The following ITGB3BP variants were observed in gnomAD, a reference collection of about 807,000 sequenced individuals.
The protein encoded by ITGB3BP is centromere protein R.
A neutral mutation model predicts 29.1 loss-of-function variants in ITGB3BP; 27 were observed. The observed-to-expected ratio is 0.93, with a 90% confidence interval of 0.68 to 1.28. ITGB3BP has a LOEUF of 1.28. Ranked by LOEUF, ITGB3BP falls within the 50% of genes most tolerant of loss-of-function variation. The pLI is 0.00. For synonymous variants in ITGB3BP, 61 were observed against 61.4 expected (o/e 0.99, Z 0.03); for missense variants, 192 against 200.2 (o/e 0.96, Z 0.25).
At chr1:63,475,234 C>T (rs2100609744) in intron 4 of ITGB3BP, among the ~76,000 whole-genome samples, 1 of 152,256 alleles carries the variant, frequency 6.6e-6, no homozygotes, top group African/African-American at 2.4e-5. Flanking sequence ...GCCTCAGCTT[C>T]CCAAAGAGCT....
At chr1:63,444,686 T>C (rs1381765394) in intron 8 of ITGB3BP, among the ~76,000 whole-genome samples, 1 of 148,960 alleles carries the variant, frequency 6.7e-6, no homozygotes, top group Non-Finnish European at 1.5e-5. Context: ...ACATATAGGA[T>C]TTATAAGGAT....
intron 2 of ITGB3BP, among the ~76,000 whole-genome samples, chr1:63,506,899 T>G (rs1434961981): frequency 6.6e-6 from 1 of 152,196 alleles, no homozygotes; most frequent in Non-Finnish European, 1.5e-5. Flanking sequence ...ATGTCCAATT[T>G]CCTTTTGCAT....
At chr1:63,453,051 G>A (rs1644883976) in intron 7 of ITGB3BP, among the ~76,000 whole-genome samples, 1 of 152,182 alleles carries the variant, frequency 6.6e-6, no homozygotes. Context: ...CTGGTCTTTG[G>A]TTGGAATCCT....
intron 4 of ITGB3BP, among the ~76,000 whole-genome samples, chr1:63,464,980 G>C (rs767385057): frequency 6.6e-6 from 1 of 152,108 alleles, no homozygotes; most frequent in Non-Finnish European, 1.5e-5. Context: ...TGTAATCTTG[G>C]ATTGAATCCT....
intron 4 of ITGB3BP, among the ~76,000 whole-genome samples, chr1:63,472,904 G>A (rs1335891746): frequency 1.3e-5 from 2 of 151,980 alleles, no homozygotes; most frequent in East Asian, 3.9e-4. Flanking sequence ...CACCCCGTCT[G>A]GGAAGTGAGG....
At chr1:63,477,198 G>A (rs1162879660) in intron 4 of ITGB3BP, among the ~76,000 whole-genome samples, 1 of 152,124 alleles carries the variant, frequency 6.6e-6, no homozygotes, top group African/African-American at 2.4e-5. Context: ...TATTTTAAAT[G>A]GCACTCAGTT....
At chr1:63,483,130 C>CAGGTTTTT (rs1255135300) in intron 3 of ITGB3BP, among the ~76,000 whole-genome samples, 4 of 152,060 alleles carry the variant, frequency 2.6e-5, no homozygotes, top group Non-Finnish European at 5.9e-5. Flanking sequence ...AACAAAAATA[C>CAGGTTTTT]AGGTTTTTAC....
At chr1:63,455,780 A>G (rs1057037634) in intron 4 of ITGB3BP, among the ~76,000 whole-genome samples, 1 of 152,182 alleles carries the variant, frequency 6.6e-6, no homozygotes, top group Non-Finnish European at 1.5e-5. Flanking sequence ...GTGATAATCT[A>G]TATCAACACA....
In ITGB3BP at chr1:63,478,275, G is replaced by A. The variant is rs567809521; in HGVS notation, c.254+489C>T. ...TGTATTCTTCCCAGATTTTTCCTACGTAGACTTTCTGCAGATAATGTCTTC... is the reference window on the plus strand; with the variant it reads ...TGTATTCTTCCCAGATTTTTCCTACATAGACTTTCTGCAGATAATGTCTTC... On this transcript the variant is annotated intron_variant, in intron 4 of 8. Coordinates refer to ENST00000271002, the MANE Select transcript of ITGB3BP (RefSeq NM_014288.5). 3.2e-4 allele frequency among the ~76,000 whole-genome samples: 48 copies of A among 152,184 alleles called. No individual in the cohort carries two copies. In the South Asian group the frequency reaches 8.1e-3, roughly 26 times the overall value.
At chr1:63,503,581 C>T (rs1028417844) in intron 2 of ITGB3BP, among the ~76,000 whole-genome samples, 18 of 152,128 alleles carry the variant, frequency 1.2e-4, no homozygotes, top group Admixed American at 1.1e-3. Context: ...ACATGAAGTC[C>T]TTGCCCATGC....
At position 63,454,266 on chromosome 1, in the gene ITGB3BP, T is replaced by C. The variant is rs531408302; in HGVS notation, c.427+114A>G. The C allele has an allele frequency of 2.0e-6, 1 of 510,172 alleles. No individual in the cohort carries two copies. Among genetic ancestry groups the C allele is most frequent in the Admixed American group, 3.7e-5 (1 of 26,838 alleles). 31.6% of individuals were successfully genotyped at this position (510,172 alleles called of 1,614,324 possible). Reference sequence around the variant, plus strand: ...TTCTTATTTAAAGAAGGTAATAGTATTTTTATCACATGTCCAGTAATGGTA... The same window carrying C: ...TTCTTATTTAAAGAAGGTAATAGTACTTTTATCACATGTCCAGTAATGGTA... On this transcript the variant is annotated intron_variant, in intron 6 of 8. Transcript: ENST00000271002. This position sits in a 1 kb window ranked among gnomAD's most constrained non-coding sequence, Gnocchi z 4.1.
At chr1:63,472,734 C>T (rs1645227915) in intron 4 of ITGB3BP, among the ~76,000 whole-genome samples, 1 of 151,636 alleles carries the variant, frequency 6.6e-6, no homozygotes, top group Non-Finnish European at 1.5e-5. Flanking sequence ...GCCTCGGCCT[C>T]CCGAGGCGCC....
At chr1:63,523,386 CACT>C (rs1189845889), upstream of ITGB3BP, 16 of 576,574 alleles carry the variant, frequency 2.8e-5, no homozygotes, top group Middle Eastern at 1.4e-3. Flanking sequence ...CACCTTCTCT[CACT>C]ACTCTGGCCA....
At chr1:63,448,909 T>G (rs925626088) in intron 7 of ITGB3BP, among the ~76,000 whole-genome samples, 10 of 152,166 alleles carry the variant, frequency 6.6e-5, no homozygotes, top group Non-Finnish European at 1.0e-4. Flanking sequence ...GTATGTGAGA[T>G]ATGTCTCTGG....
At chr1:63,446,984 T>G (rs972247078) in intron 7 of ITGB3BP, 128 bp from the exon 8 acceptor site, 3 of 661,740 alleles carry the variant, frequency 4.5e-6, no homozygotes, top group Non-Finnish European at 8.0e-6. Flanking sequence ...TTTATACTAA[T>G]AGCAGCTCTA....
intron 4 of ITGB3BP, among the ~76,000 whole-genome samples, chr1:63,475,511 T>G (rs1645321697): frequency 6.6e-6 from 1 of 152,148 alleles, no homozygotes; most frequent in East Asian, 1.9e-4. Context: ...GCTATGATTG[T>G]GCCACTGCAC....
intron 8 of ITGB3BP, among the ~76,000 whole-genome samples, chr1:63,444,257 TAC>T (rs542564821): frequency 5.3e-4 from 81 of 152,196 alleles, no homozygotes; most frequent in African/African-American, 1.9e-3. Flanking sequence ...GTAAGTTTAT[TAC>T]AGAGATTATC....
chr1:63,503,290 T>C (rs1309922693), intron 2 of ITGB3BP, among the ~76,000 whole-genome samples: 3 of 152,216 alleles, frequency 2.0e-5, no homozygotes, highest in Non-Finnish European at 4.4e-5. Flanking sequence ...TTTTCATGTG[T>C]CTTTTGGCTG....
rs754884564 is a variant in ITGB3BP at position 63,454,509 on chromosome 1, T to C, written c.334-36A>G. ...GTCATCTTGAATGAGTTAAGTTCTC[T>C]ACACACATGAGATTACTGACATGTC... On this transcript the variant is annotated intron_variant, in intron 5 of 8. Transcript: ENST00000271002. The surrounding 1 kb of genome is among the most constrained non-coding windows in gnomAD (Gnocchi z 4.1). 5 of 1,004,864 alleles carry C rather than the reference T, an allele frequency of 5.0e-6. No individual in the cohort carries two copies. The Admixed American group carries it at 6.1e-5, about 12-fold the overall frequency. 62.2% of individuals were successfully genotyped at this position (1,004,864 alleles called of 1,614,324 possible). A position where few individuals can be genotyped will look rare whatever the true frequency, so the allele number is the denominator to read the frequency against.
Sources: allele counts gnomAD v4.1 joint callset (sites outside exome capture counted in the v4.1 genomes callset), GRCh38; gene constraint gnomAD v4.1.1; non-coding constraint Gnocchi (gnomAD v3.1); transcripts MANE v1.5; gene names NCBI Gene and HGNC (gene_info 2026-07-23, HGNC 2026-07-21).